Variants in PAQR3 observed in about 807,000 individuals in gnomAD.
PAQR3 encodes progestin and adipoQ receptor family member 3.
In PAQR3, 39 loss-of-function variants were observed where a neutral mutation model predicts 41.7. That is an observed-to-expected ratio of 0.93 (90% CI 0.72 to 1.22). The LOEUF (loss-of-function observed/expected upper bound fraction) is 1.22, where lower values mean the gene tolerates loss of function less well. Among genes scored for constraint, PAQR3 ranks in the 50% most tolerant of loss-of-function variants. The probability of loss-of-function intolerance (pLI) is 0.00; values close to 1 mark genes in which losing one functional copy is unlikely to be tolerated. For missense variants in PAQR3, 366 were observed against 385.6 expected, an observed-to-expected ratio of 0.95 and a Z score of 0.42; for synonymous variants, 140 against 140.6, an observed-to-expected ratio of 1.00 and a Z score of 0.03.
intron 2 of PAQR3, chr4:78,933,076 C>T: frequency 2.3e-6 from 1 of 435,910 alleles, no homozygotes; most frequent in Admixed American, 2.5e-5. Context: ...AAACTAGTAC[C>T]TGCAAGTCCA....
intron 4 of PAQR3, among the ~76,000 whole-genome samples, chr4:78,924,953 A>T (rs187973993): frequency 6.6e-6 from 1 of 152,132 alleles, no homozygotes; most frequent in Admixed American, 6.6e-5. Flanking sequence ...TTTCTCAAAC[A>T]TTCTAGAACA....
At chr4:78,906,235 A>G (rs1342188833) in intron 10 of PAQR3, 2 of 152,252 alleles carry the variant, frequency 1.3e-5, no homozygotes, top group East Asian at 3.9e-4. Flanking sequence ...TTTACTTTTT[A>G]TAAGTTTATA....
At chr4:78,926,897 T>C (rs1736294414) in intron 3 of PAQR3, among the ~76,000 whole-genome samples, 179 bp from the exon 4 acceptor site, 1 of 152,192 alleles carries the variant, frequency 6.6e-6, no homozygotes, top group Admixed American at 6.5e-5. Context: ...TTTGTCAGAA[T>C]GACAAACCAA....
chr4:78,892,657 GTTCC>G (rs1328437851), intron 11 of PAQR3, among the ~76,000 whole-genome samples: 2 of 152,134 alleles, frequency 1.3e-5, no homozygotes, highest in African/African-American at 4.8e-5. Context: ...GATACTGCAG[GTTCC>G]ATTCCAGACC....
chr4:78,897,712 A>G (rs185226479), intron 11 of PAQR3, among the ~76,000 whole-genome samples: 1 of 152,256 alleles, frequency 6.6e-6, no homozygotes, highest in African/African-American at 2.4e-5. Flanking sequence ...TTATATTTGC[A>G]TTGGTGCCTC....
chr4:78,919,043 A>G lies in PAQR3; in HGVS notation c.*1496T>C, dbSNP rs540055334. 6 of 984,990 alleles carry G rather than the reference A, an allele frequency of 6.1e-6. No individual in the cohort carries two copies. The African/African-American group carries it at 1.0e-4, about 17-fold the overall frequency. 61.0% of individuals were successfully genotyped at this position (984,990 alleles called of 1,614,324 possible). ...TCCTGGGGGGAAATTCTCTTTGCTG[A>G]GATACTATACTAGCATGGGGAATTT... On this transcript the variant is annotated 3_prime_UTR_variant, in exon 6 of 6. Transcript: ENST00000512733.
downstream of PAQR3, chr4:78,911,465 G>A (rs768868929): frequency 1.2e-6 from 2 of 1,613,904 alleles, no homozygotes; most frequent in African/African-American, 1.3e-5. Context: ...GTCAAACAGC[G>A]CAGCTTACAG....
Position 78,902,794 on chromosome 4 carries a change from A to G in PAQR3, c.*836+3314T>C, listed in dbSNP as rs147894330. Among the ~76,000 whole-genome samples, 352 of 152,280 alleles carry G rather than the reference A, an allele frequency of 2.3e-3. 2 individuals carry two copies. The highest frequency in any genetic ancestry group is 4.4e-3 in the Non-Finnish European group (300 of 68,006). On this transcript the variant is annotated intron_variant and NMD_transcript_variant, in intron 11 of 12. Coordinates refer to the PAQR3 transcript ENST00000342820. ...ATTCTAGAAGAGCGGTAATATGCAT[A>G]GTATGATGCAAACATGCTTCTCTCT...
intron 2 of PAQR3, 39 bp from the exon 3 acceptor site, chr4:78,930,364 A>T: frequency 1.9e-6 from 3 of 1,568,772 alleles, no homozygotes; most frequent in Non-Finnish European, 2.6e-6. Flanking sequence ...GTGACTAAAG[A>T]AACTAAAGCA....
At chr4:78,909,996 A>AT (rs1734496931), downstream of PAQR3, among the ~76,000 whole-genome samples, 1 of 152,224 alleles carries the variant, frequency 6.6e-6, no homozygotes, top group Non-Finnish European at 1.5e-5. Context: ...AGATATTATA[A>AT]TTAAAGGAAG....
At chr4:78,894,666 C>A (rs1451386714) in intron 11 of PAQR3, among the ~76,000 whole-genome samples, 1 of 152,234 alleles carries the variant, frequency 6.6e-6, no homozygotes, top group South Asian at 2.1e-4. Flanking sequence ...TCTTACCGTT[C>A]ATCACTGATC....
intron 11 of PAQR3, among the ~76,000 whole-genome samples, chr4:78,898,644 C>T (rs1262967877): frequency 1.3e-5 from 2 of 148,262 alleles, no homozygotes; most frequent in African/African-American, 2.5e-5. Context: ...GGCGACAGAG[C>T]GAGACTCCAT....
At chr4:78,935,924 A>T (rs549320131) in intron 1 of PAQR3, among the ~76,000 whole-genome samples, 2 of 152,352 alleles carry the variant, frequency 1.3e-5, no homozygotes, top group African/African-American at 4.8e-5. Context: ...TCCAGGTGGC[A>T]TAAGTTTCTC....
chr4:78,935,120 C>T lies in PAQR3; in HGVS notation c.348+1G>A, dbSNP rs777479143. On this transcript the variant is annotated splice_donor_variant, in intron 2 of 5. Coordinates refer to ENST00000512733, the MANE Select transcript of PAQR3 (RefSeq NM_001040202.2). LOFTEE classifies it high-confidence loss of function. Reference sequence around the variant, plus strand: ...ACAGCAGTATTTGTGAAATGACTTACCTGGAAGCAGAAAAGACAAATAGAA... The same window carrying T: ...ACAGCAGTATTTGTGAAATGACTTATCTGGAAGCAGAAAAGACAAATAGAA... 2 of 1,611,886 alleles carry T rather than the reference C, an allele frequency of 1.2e-6. No individual in the cohort carries two copies. The highest frequency in any genetic ancestry group is 1.7e-6 in the Non-Finnish European group (2 of 1,179,296).
At chr4:78,906,360 AG>A (rs939390775) in intron 10 of PAQR3, among the ~76,000 whole-genome samples, 8 of 152,104 alleles carry the variant, frequency 5.3e-5, no homozygotes, top group East Asian at 3.9e-4. Flanking sequence ...AGTTTTATGT[AG>A]GGGGGCAAAA....
intron 11 of PAQR3, among the ~76,000 whole-genome samples, chr4:78,903,783 T>A (rs1183641018): frequency 6.6e-6 from 1 of 151,914 alleles, no homozygotes. Flanking sequence ...TGGGCATGGT[T>A]TTTTAGTGAT....
rs1403211366 is a variant in PAQR3, at chr4:78,923,080, G to A, written c.793+777C>T. ...ATTTTCTTCCTAGTGCTGGGTGCCA[G>A]GAAGCCTAAAGCCAGCTTTGTCACC... On this transcript the variant is annotated intron_variant, in intron 5 of 5. Transcript: ENST00000512733. 23 of 417,472 alleles carry A rather than the reference G, an allele frequency of 5.5e-5. 1 individual carries two copies. The highest frequency in any genetic ancestry group is 5.6e-4 in the Middle Eastern group (1 of 1,784). The allele number at this position is 417,472 out of a possible 1,614,324, so 25.9% of individuals were successfully genotyped here. A position where few individuals can be genotyped will look rare whatever the true frequency, so the allele number is the denominator to read the frequency against.
At chr4:78,888,770 T>C (rs1464482627) in intron 11 of PAQR3, among the ~76,000 whole-genome samples, 1 of 152,192 alleles carries the variant, frequency 6.6e-6, no homozygotes, top group Non-Finnish European at 1.5e-5. Context: ...GATTTTAAGC[T>C]AATTGAGGGT....
chr4:78,939,169 T>C lies in PAQR3; in HGVS notation c.56A>G (p.Tyr19Cys). The C allele has an allele frequency of 6.2e-7, 1 of 1,612,692 alleles. No individual in the cohort carries two copies. Among genetic ancestry groups the C allele is most frequent in the Non-Finnish European group, 8.5e-7 (1 of 1,179,452 alleles). Residue 19 changes from tyrosine to cysteine, a missense_variant, in exon 1 of 6, where the codon TAC (tyrosine) becomes TGC (cysteine). Tyr to Cys is a radical substitution (Grantham distance 194). Transcript: ENST00000512733. ...GCCACGGGGCACCAGGACCGGCCAG[T>C]ACTGGTAGCTGCCCAGCTCGATGTA... ...AHYIELGSYQ[Y>C]WPVLVPRGIR... is the part of the protein sequence containing the mutation.
Sources: gnomAD v4.1 joint callset for allele counts (sites outside exome capture counted in the v4.1 genomes callset) on GRCh38, gnomAD v4.1.1 for gene constraint, MANE v1.5 for transcripts, NCBI Gene and HGNC (gene_info 2026-07-23, HGNC 2026-07-21) for gene names.